The following NCKIPSD variants were observed in gnomAD, a reference collection of about 807,000 sequenced individuals.
The protein encoded by NCKIPSD is NCK interacting protein with SH3 domain, also known as NCK-interacting protein with SH3 domain.
In NCKIPSD, 48 loss-of-function variants were observed where a neutral mutation model predicts 73.4. That is an observed-to-expected ratio of 0.65 (90% confidence interval 0.52 to 0.83). The LOEUF is 0.83. NCKIPSD is among the 40% of genes least tolerant of loss of function. The pLI is 0.00. For synonymous variants in NCKIPSD, 422 were observed against 403.6 expected (o/e 1.05, Z -0.54); for missense variants, 884 against 970.2 (o/e 0.91, Z 1.18).
intron 12 of NCKIPSD, among the ~76,000 whole-genome samples, chr3:48,678,132 C>CGCCACT (rs1297992241): frequency 1.3e-5 from 2 of 152,294 alleles, no homozygotes; most frequent in East Asian, 3.9e-4. Context: ...GGCCTCTTCT[C>CGCCACT]GCCACTGCCA....
At chr3:48,679,506 C>A (rs756153587) in intron 8 of NCKIPSD, 49 bp from the exon 9 acceptor site, 17 of 1,606,324 alleles carry the variant, frequency 1.1e-5, no homozygotes, top group Non-Finnish European at 1.4e-5. Context: ...TGGCAGGAAA[C>A]CCCAGCAGAT....
Position 48,679,611 on chromosome 3 carries a change from C to T in NCKIPSD, c.1453G>A (p.Val485Ile). The T allele has an allele frequency of 6.2e-7, 1 of 1,614,222 alleles. No homozygotes were observed. Among genetic ancestry groups the T allele is most frequent in the Non-Finnish European group, 8.5e-7 (1 of 1,180,030 alleles). Residue 485 changes from valine (V) to isoleucine (I), a missense_variant, in exon 8 of 13, where the codon GTA becomes ATA. Val to Ile is a conservative substitution (Grantham distance 29). Coordinates refer to ENST00000294129, the MANE Select transcript of NCKIPSD (RefSeq NM_016453.4). ...ISTLVSSVLP[V>I]ELARDMQTDT... is the part of the protein sequence containing the mutation. ...GTCTGCATGTCCCTCGCCAGCTCTA[C>T]AGGCAGCACGGATGACACAAGCGTG...
Position 48,674,311 on chromosome 3 carries a change from G to A in NCKIPSD, c.*233C>T. ...CATGCTGAAGAGGAAGCCTACCAGG[G>A]TATAGAGGGGCTTTAGCTTGCATAT... On this transcript the variant is annotated 3_prime_UTR_variant, in exon 13 of 13. Transcript: ENST00000294129. 1.4e-6 allele frequency: 2 copies of A among 1,393,968 alleles called. No homozygotes were observed. The highest frequency in any genetic ancestry group is 1.9e-6 in the Non-Finnish European group (2 of 1,072,414). The allele number at this position is 1,393,968 out of a possible 1,614,324, so 86.3% of individuals were successfully genotyped here. A position where few individuals can be genotyped will look rare whatever the true frequency, so the allele number is the denominator to read the frequency against.
intron 2 of NCKIPSD, 27 bp from the exon 3 acceptor site, chr3:48,682,579 G>C: frequency 6.2e-7 from 1 of 1,610,246 alleles, no homozygotes; most frequent in Non-Finnish European, 8.5e-7. Context: ...AAGACTATTG[G>C]GGGGTTGCAT....
intron 12 of NCKIPSD, 79 bp from the exon 13 acceptor site, chr3:48,674,826 C>T: frequency 7.0e-7 from 1 of 1,436,224 alleles, no homozygotes; most frequent in Non-Finnish European, 9.6e-7. Flanking sequence ...ACCCCACTGT[C>T]CCACAGACCC....
rs779307368 is a variant in NCKIPSD, at chr3:48,685,729, G to A, written c.79C>T (p.Leu27=). The stretch of plus-strand genomic sequence containing the variant: ...CACCAGTGCGCGCTGCTTCGCTCTA[G>A]CACCAGGAAGGTCTCGCCCGCGGCG... ...AFAAGETFLV[L]ERSSAHWWLA... The change falls in exon 1 of 13, where the codon CTA becomes TTA. Residue 27 remains leucine, a synonymous_variant. Coordinates refer to ENST00000294129, the MANE Select transcript of NCKIPSD (RefSeq NM_016453.4). The A allele has an allele frequency of 1.2e-5, 19 of 1,534,096 alleles. No individual in the cohort carries two copies. In the Admixed American group the frequency reaches 2.9e-4, roughly 24 times the overall value.
At chr3:48,675,528 G>GATAC (rs2077240472) in intron 12 of NCKIPSD, among the ~76,000 whole-genome samples, 2 of 122,300 alleles carry the variant, frequency 1.6e-5, no homozygotes, top group Non-Finnish European at 3.3e-5. Flanking sequence ...ATATATATAT[G>GATAC]ATATATATAT....
At chr3:48,681,853 T>C (rs2077358611) in intron 4 of NCKIPSD, 73 bp from the exon 5 acceptor site, 1 of 1,459,574 alleles carries the variant, frequency 6.9e-7, no homozygotes, top group African/African-American at 1.4e-5. Context: ...CCAGATCCCC[T>C]GTCCCCTAAC....
At chr3:48,676,270 G>A (rs917448058) in intron 12 of NCKIPSD, among the ~76,000 whole-genome samples, 2 of 152,190 alleles carry the variant, frequency 1.3e-5, no homozygotes, top group Middle Eastern at 3.4e-3. Flanking sequence ...GCAGAAACCC[G>A]TCTTTCCCCT....
chr3:48,684,019 C>CACACACACACACACACACACAG (rs563262573), intron 1 of NCKIPSD, among the ~76,000 whole-genome samples: 9 of 141,340 alleles, frequency 6.4e-5, no homozygotes, highest in African/African-American at 2.5e-4. Flanking sequence ...CACACACACA[C>CACACACACACACACACACACAG]AGAGAGAGAG....
In NCKIPSD at chr3:48,679,781, C is replaced by T; in HGVS notation, c.1350+20G>A. 1 of 1,614,224 alleles carries T rather than the reference C, an allele frequency of 6.2e-7. No homozygotes were observed. Among genetic ancestry groups the T allele is most frequent in the Non-Finnish European group, 8.5e-7 (1 of 1,180,018 alleles). On this transcript the variant is annotated intron_variant, in intron 7 of 12. Coordinates refer to ENST00000294129, the MANE Select transcript of NCKIPSD (RefSeq NM_016453.4). ...CTATCTAGGTCTCTCCATTACCCCTCCCCTCCATCCTGCACATACCATTTG... is the reference window on the plus strand; with the variant it reads ...CTATCTAGGTCTCTCCATTACCCCTTCCCTCCATCCTGCACATACCATTTG...
chr3:48,684,309 C>T (rs528209950), intron 1 of NCKIPSD, among the ~76,000 whole-genome samples: 4 of 152,270 alleles, frequency 2.6e-5, no homozygotes, highest in East Asian at 1.9e-4. Flanking sequence ...TCCTGGCTGG[C>T]GGCAGGGGAC....
At chr3:48,684,019 C>G (rs9818173) in intron 1 of NCKIPSD, among the ~76,000 whole-genome samples, 4,793 of 140,976 alleles carry the variant, frequency 0.034, 238 homozygotes, top group African/African-American at 0.1. Context: ...CACACACACA[C>G]AGAGAGAGAG....
At chr3:48,684,258 T>A (rs1224006282) in intron 1 of NCKIPSD, among the ~76,000 whole-genome samples, 1 of 152,010 alleles carries the variant, frequency 6.6e-6, no homozygotes, top group Middle Eastern at 3.2e-3. Context: ...ACAGAGAAGA[T>A]GGTAGCCTCT....
intron 1 of NCKIPSD, 48 bp downstream of exon 1, chr3:48,685,589 G>A (rs1271630501): frequency 6.7e-7 from 1 of 1,488,530 alleles, no homozygotes. Flanking sequence ...GCTGTGAAGG[G>A]GTCCTGCCCC....
Position 48,682,463 on chromosome 3 carries a change from T to C in NCKIPSD, c.371A>G (p.His124Arg). 2 of 1,614,114 alleles carry C rather than the reference T, an allele frequency of 1.2e-6. No homozygotes were observed. The highest frequency in any genetic ancestry group is 1.7e-6 in the Non-Finnish European group (2 of 1,179,994). The change falls in exon 3 of 13, where the codon CAC becomes CGC. Residue 124 changes from histidine (H) to arginine (R), a missense_variant. By Grantham distance (29) the His-to-Arg change is conservative. Transcript: ENST00000294129. ...CCTGGCTGCAGCAGCATCCAAGTGG[T>C]GGTCACTGGTTGATGAGGTCATAAC... ...VAVMTSSTSD[H>R]HLDAAAARQP... is the part of the protein sequence containing the mutation.
intron 1 of NCKIPSD, among the ~76,000 whole-genome samples, chr3:48,683,316 T>C (rs2077385377): frequency 6.6e-6 from 1 of 152,140 alleles, no homozygotes; most frequent in Non-Finnish European, 1.5e-5. Context: ...AGCAAAAACA[T>C]AGCCCAGGGG....
Position 48,674,370 on chromosome 3 carries a change from TCC to T in NCKIPSD, c.*172_*173del. The T allele has an allele frequency of 1.4e-6, 2 of 1,440,536 alleles. No individual in the cohort carries two copies. The highest frequency in any genetic ancestry group is 1.8e-6 in the Non-Finnish European group (2 of 1,099,756). 89.2% of individuals were successfully genotyped at this position (1,440,536 alleles called of 1,614,324 possible). On this transcript the variant is annotated 3_prime_UTR_variant, in exon 13 of 13. Transcript: ENST00000294129. ...CCCCAGAACAGCTCCCAGACCATGG[TCC>T]CCAATCCTACACTTGGCCCCTCTCT...
chr3:48,675,430 C>T lies in NCKIPSD; in HGVS notation c.1966-683G>A, dbSNP rs184053968. On this transcript the variant is annotated intron_variant, in intron 12 of 12. Transcript: ENST00000294129. ...ACATATGCCCCAAATTCATCTCCAA[C>T]AGCCTCTCCTCCAACCTATACTCCC... Among the ~76,000 whole-genome samples the T allele has an allele frequency of 5.2e-3, 786 of 150,618 alleles. 10 individuals carry two copies. Among genetic ancestry groups the T allele is most frequent in the African/African-American group, 0.018 (749 of 40,964 alleles).
Sources: gnomAD v4.1 joint callset for allele counts (sites outside exome capture counted in the v4.1 genomes callset) on GRCh38, gnomAD v4.1.1 for gene constraint, MANE v1.5 for transcripts, NCBI Gene and HGNC (gene_info 2026-07-23, HGNC 2026-07-21) for gene names.